LTA4H: variants seen among roughly 807,000 people sequenced by gnomAD.
The protein encoded by LTA4H is leukotriene A-4 hydrolase.
A neutral mutation model predicts 89.8 loss-of-function variants in LTA4H; 59 were observed. The ratio of observed to expected loss-of-function variants is 0.66; its 90% CI spans 0.53 to 0.82. The LOEUF is 0.82. Among genes scored for constraint, LTA4H ranks in the 40% least tolerant of loss-of-function variants. LTA4H has a pLI of 0.00. For synonymous variants in LTA4H, 227 were observed against 253.1 expected (o/e 0.90, Z 0.98); for missense variants, 617 against 727.0 (o/e 0.85, Z 1.74).
intron 14 of LTA4H, chr12:96,010,567 T>A (rs1161710039): frequency 6.6e-6 from 1 of 152,246 alleles, no homozygotes; most frequent in African/African-American, 2.4e-5. Context: ...GGAGGACATA[T>A]GGGGAGTTCG....
Position 96,024,555 on chromosome 12 carries a change from A to C in LTA4H, c.412-8T>G. On this transcript the variant is annotated splice_polypyrimidine_tract_variant and splice_region_variant and intron_variant, in intron 3 of 18. Coordinates refer to ENST00000228740, the MANE Select transcript of LTA4H (RefSeq NM_000895.3). ...TGCTCTGCAGTGGATGGCCTGAAAA[A>C]GGGAGAAACAAGAAGAAATAGCTAT... The C allele has an allele frequency of 2.5e-6, 4 of 1,585,648 alleles. No homozygotes were observed. Among genetic ancestry groups the C allele is most frequent in the Non-Finnish European group, 3.5e-6 (4 of 1,155,506 alleles).
upstream of LTA4H, among the ~76,000 whole-genome samples, chr12:96,036,823 G>A (rs935160378): frequency 6.6e-6 from 1 of 152,202 alleles, no homozygotes; most frequent in African/African-American, 2.4e-5. Context: ...TTACAGTTAC[G>A]CAGGCTGTAC....
At chr12:96,006,025 G>C (rs1221870636) in intron 16 of LTA4H, among the ~76,000 whole-genome samples, 1 of 152,118 alleles carries the variant, frequency 6.6e-6, no homozygotes, top group East Asian at 1.9e-4. Flanking sequence ...TGGGATTACA[G>C]ATGTGAGCCA....
intron 1 of LTA4H, among the ~76,000 whole-genome samples, chr12:96,030,498 T>C (rs1950560760): frequency 6.6e-6 from 1 of 152,222 alleles, no homozygotes; most frequent in Non-Finnish European, 1.5e-5. Context: ...TTATACTCCC[T>C]GAATCAGATT....
chr12:96,000,906 T>C lies in LTA4H; in HGVS notation c.*83A>G, dbSNP rs1950088975. ...AAAAGCCAAAACTAAAAAGACAGTT[T>C]TAATTGTGAGCTGAAGTTTTATATT... On this transcript the variant is annotated 3_prime_UTR_variant, in exon 19 of 19. Coordinates refer to ENST00000228740, the MANE Select transcript of LTA4H (RefSeq NM_000895.3). The C allele has an allele frequency of 9.8e-7, 1 of 1,020,778 alleles. No individual in the cohort carries two copies. The highest frequency in any genetic ancestry group is 1.9e-5 in the Admixed American group (1 of 53,116). 63.2% of individuals were successfully genotyped at this position (1,020,778 alleles called of 1,614,324 possible).
intron 2 of LTA4H, 128 bp downstream of exon 2, chr12:96,028,927 A>G: frequency 1.6e-6 from 1 of 624,498 alleles, no homozygotes. Flanking sequence ...ACAGAAGATC[A>G]GGATAAGTAG....
upstream of LTA4H, among the ~76,000 whole-genome samples, chr12:96,036,238 A>C (rs1789445240): frequency 6.6e-6 from 1 of 152,190 alleles, no homozygotes; most frequent in Non-Finnish European, 1.5e-5. Context: ...GAAACTAATG[A>C]ATTTCTATAA....
At chr12:96,023,764 A>G (rs1258662755) in intron 4 of LTA4H, among the ~76,000 whole-genome samples, 2 of 152,226 alleles carry the variant, frequency 1.3e-5, no homozygotes, top group Non-Finnish European at 2.9e-5. Flanking sequence ...CATACAGACA[A>G]GTCTGGAATA....
At chr12:96,006,791 T>A (rs2540498) in intron 15 of LTA4H, among the ~76,000 whole-genome samples, 30,983 of 152,092 alleles carry the variant, frequency 0.2, 3,484 homozygotes, top group Non-Finnish European at 0.26. Flanking sequence ...TTTTTAAATA[T>A]TACATTAATA....
chr12:96,018,220 TCTC>T (rs1169931543), intron 8 of LTA4H, among the ~76,000 whole-genome samples: 1 of 152,094 alleles, frequency 6.6e-6, no homozygotes, highest in Non-Finnish European at 1.5e-5. Flanking sequence ...AACATAATAT[TCTC>T]CTTCTCCAAA....
chr12:96,039,069 G>T (rs922624850), upstream of LTA4H, among the ~76,000 whole-genome samples: 1 of 151,972 alleles, frequency 6.6e-6, no homozygotes, highest in Non-Finnish European at 1.5e-5. Context: ...TTCAAAAAAT[G>T]AGGCTTTCCA....
At chr12:96,041,965 C>T (rs994462893) in intron 1 of LTA4H, among the ~76,000 whole-genome samples, 14 of 144,586 alleles carry the variant, frequency 9.7e-5, no homozygotes, top group African/African-American at 3.4e-4. Flanking sequence ...TTAAATTAAA[C>T]GTTTCTTTTT....
intron 1 of LTA4H, among the ~76,000 whole-genome samples, chr12:96,042,133 C>T (rs1234834899): frequency 1.3e-5 from 2 of 151,898 alleles, no homozygotes; most frequent in East Asian, 3.9e-4. Flanking sequence ...CAGGCACAAG[C>T]CACTACGCCG....
chr12:96,010,134 G>T (rs1950275447), intron 14 of LTA4H: 1 of 152,130 alleles, frequency 6.6e-6, no homozygotes, highest in South Asian at 2.1e-4. Flanking sequence ...TATTAGCATT[G>T]ATTTCTTAAA....
upstream of LTA4H, among the ~76,000 whole-genome samples, chr12:96,036,402 G>A (rs763662708): frequency 1.3e-5 from 2 of 152,180 alleles, no homozygotes; most frequent in Non-Finnish European, 2.9e-5. Context: ...GCTAGGTTTC[G>A]AAGGACCTTA....
At chr12:96,034,846 G>A (rs1046400783) in intron 1 of LTA4H, among the ~76,000 whole-genome samples, 2 of 152,222 alleles carry the variant, frequency 1.3e-5, no homozygotes, top group East Asian at 1.9e-4. Flanking sequence ...GGGATCGACA[G>A]GACATGGGAT....
At chr12:96,004,177 T>TA (rs1414585917) in intron 16 of LTA4H, among the ~76,000 whole-genome samples, 1 of 152,218 alleles carries the variant, frequency 6.6e-6, no homozygotes, top group South Asian at 2.1e-4. Flanking sequence ...TTGCTCTTCT[T>TA]AGACTTTTTA....
chr12:96,012,992 T>A, intron 14 of LTA4H, 196 bp downstream of exon 14: 1 of 503,558 alleles, frequency 2.0e-6, no homozygotes, highest in Non-Finnish European at 3.6e-6. Flanking sequence ...ACTCAATTAC[T>A]TGAAGTGAAA....
chr12:96,035,684 A>G, upstream of LTA4H: 1 of 1,417,022 alleles, frequency 7.1e-7, no homozygotes. Flanking sequence ...GCGTTGGGGG[A>G]TGGGTGAAGG....
Sources: allele counts gnomAD v4.1 joint callset (sites outside exome capture counted in the v4.1 genomes callset), GRCh38; gene constraint gnomAD v4.1.1; transcripts MANE v1.5; gene names NCBI Gene and HGNC (gene_info 2026-07-23, HGNC 2026-07-21).